The following ECM1 variants were observed in gnomAD, a reference collection of about 807,000 sequenced individuals.
ECM1 encodes the protein secretory component p85.
ECM1 carries 54 observed loss-of-function variants against 57.9 expected under a neutral mutation model. The observed-to-expected ratio is 0.93, with a 90% CI of 0.75 to 1.17. ECM1 has a LOEUF of 1.17. Among genes scored for constraint, ECM1 ranks in the 50% most tolerant of loss-of-function variants. The pLI, the probability that ECM1 is intolerant of heterozygous loss-of-function variation, is 0.00. For synonymous variants in ECM1, 237 were observed against 259.1 expected, an observed-to-expected ratio of 0.91 and a Z score of 0.82; for missense variants, 649 against 688.1, an observed-to-expected ratio of 0.94 and a Z score of 0.64.
At chr1:150,511,316 T>C in intron 6 of ECM1, 118 bp downstream of exon 6, 1 of 1,579,300 alleles carries the variant, frequency 6.3e-7, no homozygotes, top group Middle Eastern at 1.8e-4. Flanking sequence ...TCACTGGCCC[T>C]ACCCTGGGCC....
intron 1 of ECM1, 100 bp from the exon 2 acceptor site, chr1:150,509,431 T>C: frequency 1.5e-6 from 2 of 1,338,804 alleles, no homozygotes; most frequent in South Asian, 2.4e-5. Flanking sequence ...GTGTCTTGCT[T>C]GTCTGTCCTA....
rs587736474 is a variant in ECM1, at chr1:150,509,839, A to G, written c.223+77A>G. ...GGCCTATATCCCACTTTTCAGGTGG[A>G]AAGGAGGGAAGAGGCCCTCGCCCCC... On this transcript the variant is annotated intron_variant, in intron 3 of 9. Transcript: ENST00000369047. 70 of 1,613,824 alleles carry G rather than the reference A, an allele frequency of 4.3e-5. No homozygotes were observed. In the East Asian group the frequency reaches 1.5e-3, roughly 35 times the overall value.
At chr1:150,508,705 A>G (rs1670344598) in intron 1 of ECM1, among the ~76,000 whole-genome samples, 2 of 152,138 alleles carry the variant, frequency 1.3e-5, no homozygotes, top group Non-Finnish European at 2.9e-5. Context: ...GTGTCCATCC[A>G]CAGACCCACC....
intron 9 of ECM1, 150 bp from the exon 10 acceptor site, chr1:150,513,087 C>T: frequency 1.2e-6 from 1 of 836,884 alleles, no homozygotes; most frequent in Admixed American, 2.1e-5. Flanking sequence ...CTGTGCAAGG[C>T]AGTCTTGTAC....
chr1:150,513,108 C>A, intron 9 of ECM1, 129 bp from the exon 10 acceptor site: 1 of 997,360 alleles, frequency 1.0e-6, no homozygotes, highest in Non-Finnish European at 1.5e-6. Context: ...TCTCTCTGGG[C>A]CCCAGGAGGG....
intron 1 of ECM1, 35 bp downstream of exon 1, chr1:150,508,314 G>C (rs752988551): frequency 6.3e-7 from 1 of 1,592,928 alleles, no homozygotes; most frequent in South Asian, 1.1e-5. Flanking sequence ...GAGGGGGTCT[G>C]GGCTTGCATG....
At chr1:150,512,043 T>C (rs76667605) in intron 7 of ECM1, among the ~76,000 whole-genome samples, 4 of 150,352 alleles carry the variant, frequency 2.7e-5, no homozygotes, top group Non-Finnish European at 5.9e-5. Flanking sequence ...CCTCCACTCA[T>C]GATCCACACA....
Position 150,511,782 on chromosome 1 carries a change from T to G in ECM1, c.1034T>G (p.Phe345Cys). The G allele has an allele frequency of 1.9e-6, 3 of 1,613,164 alleles. No individual in the cohort carries two copies. The highest frequency in any genetic ancestry group is 2.5e-6 in the Non-Finnish European group (3 of 1,179,366). ...LLALIQLEREFQRCCRQGNNH... is the reference protein window; with the variant it reads ...LLALIQLERECQRCCRQGNNH... ...GCACTGATCCAGCTGGAGAGGGAGT[T>G]CCAGCGCTGCTGCCGCCAGGGGAAC... The change falls in exon 7 of 10, where the codon TTC becomes TGC. Residue 345 changes from phenylalanine (F) to cysteine (C), a missense_variant. Physicochemically the swap from Phe to Cys is radical, Grantham distance 205. Coordinates refer to ENST00000369047, the MANE Select transcript of ECM1 (RefSeq NM_004425.4).
At chr1:150,512,897 T>A in intron 9 of ECM1, 85 bp downstream of exon 9, 1 of 1,429,422 alleles carries the variant, frequency 7.0e-7, no homozygotes. Context: ...TTCTCTTTAG[T>A]ACCTCAAACC....
At chr1:150,512,642 A>C in intron 8 of ECM1, 70 bp downstream of exon 8, 1 of 1,612,110 alleles carries the variant, frequency 6.2e-7, no homozygotes, top group East Asian at 2.2e-5. Flanking sequence ...CTTTGGGAAA[A>C]GCAAAATCAT....
chr1:150,510,611 G>A (rs587683424), intron 5 of ECM1: 1 of 585,716 alleles, frequency 1.7e-6, no homozygotes, highest in Admixed American at 2.9e-5. Flanking sequence ...TTAGTGCTCA[G>A]GACCCTGGGG....
At chr1:150,513,115 A>T in intron 9 of ECM1, 122 bp from the exon 10 acceptor site, 2 of 1,040,748 alleles carry the variant, frequency 1.9e-6, no homozygotes, top group Non-Finnish European at 2.9e-6. Flanking sequence ...GGGCCCCAGG[A>T]GGGGAACGAG....
At chr1:150,508,359 A>T in intron 1 of ECM1, 80 bp downstream of exon 1, 1 of 1,336,024 alleles carries the variant, frequency 7.5e-7, no homozygotes, top group African/African-American at 1.4e-5. Context: ...CAGACGGCTC[A>T]TCACTAGCAG....
In ECM1 at chr1:150,511,216, A is replaced by T. The variant is rs1305074885; in HGVS notation, c.708+18A>T. On this transcript the variant is annotated intron_variant, in intron 6 of 9. Transcript: ENST00000369047. ...AACTTGTGGTAAGGTTGGGTTCTTG[A>T]TGCCGGGGGGTGTCCTTTAACCCCA... 6.2e-7 allele frequency: 1 copy of T among 1,613,950 alleles called. No homozygotes were observed. Among genetic ancestry groups the T allele is most frequent in the Admixed American group, 1.7e-5 (1 of 60,026 alleles).
chr1:150,513,181 C>T (rs1467051310), intron 9 of ECM1, 56 bp from the exon 10 acceptor site: 1 of 1,564,064 alleles, frequency 6.4e-7, no homozygotes, highest in Admixed American at 1.7e-5. Flanking sequence ...GTATCTACAT[C>T]TGTCCTTGGA....
chr1:150,512,315 G>A (rs1419489079), intron 7 of ECM1, 37 bp from the exon 8 acceptor site: 2 of 1,606,316 alleles, frequency 1.2e-6, no homozygotes, highest in Admixed American at 1.7e-5. Context: ...AAGGGGCCAA[G>A]TGTCCAGCTT....
Position 150,508,361 on chromosome 1 carries a change from C to A in ECM1, c.70+82C>A. 2.5e-5 allele frequency: 33 copies of A among 1,322,612 alleles called. No individual in the cohort carries two copies. In the South Asian group the frequency reaches 3.4e-4, roughly 14 times the overall value. The allele number at this position is 1,322,612 out of a possible 1,614,324, so 81.9% of individuals were successfully genotyped here. A position where few individuals can be genotyped will look rare whatever the true frequency, so the allele number is the denominator to read the frequency against. On this transcript the variant is annotated intron_variant, in intron 1 of 9. Coordinates refer to ENST00000369047, the MANE Select transcript of ECM1 (RefSeq NM_004425.4). ...GGTCCAGGCATCCCAGACGGCTCAT[C>A]ACTAGCAGAGTGATTCTCCGTTTGG...
intron 6 of ECM1, 34 bp from the exon 7 acceptor site, chr1:150,511,423 T>C: frequency 6.2e-7 from 1 of 1,613,912 alleles, no homozygotes; most frequent in African/African-American, 1.3e-5. Flanking sequence ...GGCAGGAATG[T>C]GGAAAGTGGG....
intron 4 of ECM1, 25 bp from the exon 5 acceptor site, chr1:150,510,077 T>C: frequency 6.2e-7 from 1 of 1,613,888 alleles, no homozygotes; most frequent in Non-Finnish European, 8.5e-7. Context: ...CCCTGCTCCT[T>C]GGTGCCCTCA....
Sources: allele counts gnomAD v4.1 joint callset (sites outside exome capture counted in the v4.1 genomes callset), GRCh38; gene constraint gnomAD v4.1.1; transcripts MANE v1.5; gene names NCBI Gene and HGNC (gene_info 2026-07-23, HGNC 2026-07-21).